The following AGBL4 variants were observed in gnomAD, a reference collection of about 807,000 sequenced individuals.
AGBL4 encodes cytosolic carboxypeptidase 6.
In AGBL4, 58 loss-of-function variants were observed where a neutral mutation model predicts 66.4. The observed-to-expected ratio is 0.87, with a 90% CI of 0.71 to 1.09. The LOEUF (loss-of-function observed/expected upper bound fraction) is 1.09. Ranked by LOEUF, AGBL4 falls within the 50% of genes least tolerant of loss-of-function variation. The pLI, the probability that AGBL4 is intolerant of heterozygous loss-of-function variation, is 0.00. For missense variants in AGBL4, 579 were observed against 631.0 expected (o/e 0.92, Z 0.88); for synonymous variants, 234 against 222.9 (o/e 1.05, Z -0.44).
chr1:49,011,442 A>T (rs1311601068), intron 5 of AGBL4, among the ~76,000 whole-genome samples: 2 of 152,186 alleles, frequency 1.3e-5, no homozygotes, highest in Non-Finnish European at 2.9e-5. Flanking sequence ...GGGACTGTAA[A>T]CTAGTTCAAC....
Position 49,483,430 on chromosome 1 carries a change from C to T in AGBL4, c.282+213883G>A, listed in dbSNP as rs187088157. The stretch of plus-strand genomic sequence containing the variant: ...AAGCAATCTACAAATTGAATGCAAT[C>T]CCTCTCAAAATACCAATGAAATTAT... On this transcript the variant is annotated intron_variant, in intron 3 of 13. Coordinates refer to ENST00000371839, the MANE Select transcript of AGBL4 (RefSeq NM_032785.4). Among the ~76,000 whole-genome samples the T allele has an allele frequency of 8.4e-4, 128 of 151,928 alleles. 1 individual carries two copies. Among genetic ancestry groups the T allele is most frequent in the Non-Finnish European group, 1.5e-3 (105 of 67,918 alleles).
intron 6 of AGBL4, among the ~76,000 whole-genome samples, chr1:48,737,139 C>T (rs1212695158): frequency 2.6e-5 from 4 of 152,004 alleles, no homozygotes; most frequent in African/African-American, 9.7e-5. Flanking sequence ...AAAAAATTAG[C>T]CAGGTGTGGT....
intron 4 of AGBL4, among the ~76,000 whole-genome samples, chr1:49,075,088 C>A (rs1644684580): frequency 1.3e-5 from 2 of 152,048 alleles, no homozygotes; most frequent in Admixed American, 6.6e-5. Context: ...CTCATGATGG[C>A]CAAAAATGAC....
At chr1:49,453,083 A>G (rs1156915752) in intron 3 of AGBL4, among the ~76,000 whole-genome samples, 7 of 151,930 alleles carry the variant, frequency 4.6e-5, no homozygotes, top group Non-Finnish European at 1.0e-4. Context: ...TGCTTAATAA[A>G]TGTTTATGAA....
intron 2 of AGBL4, among the ~76,000 whole-genome samples, chr1:49,822,448 C>A (rs1043018563): frequency 6.6e-6 from 1 of 152,000 alleles, no homozygotes; most frequent in Non-Finnish European, 1.5e-5. Context: ...CCTGCCTTAG[C>A]CTCCTGAGTA....
chr1:49,085,406 G>A (rs957265984), intron 4 of AGBL4, among the ~76,000 whole-genome samples: 1 of 151,752 alleles, frequency 6.6e-6, no homozygotes, highest in Non-Finnish European at 1.5e-5. Flanking sequence ...GAATTACATC[G>A]CCAACTTTCT....
At chr1:49,736,570 T>C (rs1649908456) in intron 2 of AGBL4, among the ~76,000 whole-genome samples, 1 of 152,072 alleles carries the variant, frequency 6.6e-6, no homozygotes, top group Non-Finnish European at 1.5e-5. Context: ...TACTAAACCT[T>C]TGGGATGCAG....
At chr1:48,526,017 C>A in the AGBL4 span, among the ~76,000 whole-genome samples, 9 of 152,106 alleles carry the variant, frequency 5.9e-5, no homozygotes, top group African/African-American at 1.7e-4. Flanking sequence ...ACCAATCCTG[C>A]CTGTTAAGAC....
chr1:49,498,750 C>A (rs1647847097), intron 3 of AGBL4, among the ~76,000 whole-genome samples: 1 of 151,966 alleles, frequency 6.6e-6, no homozygotes, highest in East Asian at 2.0e-4. Context: ...TCCTCTTATA[C>A]CTAACTTGTT....
At chr1:48,681,868 T>C (rs1037794993) in intron 6 of AGBL4, among the ~76,000 whole-genome samples, 1 of 152,086 alleles carries the variant, frequency 6.6e-6, no homozygotes, top group African/African-American at 2.4e-5. Context: ...CCAGAGACAG[T>C]GTGTGATAGG....
At chr1:49,920,769 C>G (rs1277954200) in intron 1 of AGBL4, among the ~76,000 whole-genome samples, 3 of 152,166 alleles carry the variant, frequency 2.0e-5, no homozygotes, top group Non-Finnish European at 4.4e-5. Flanking sequence ...ACAAATCATG[C>G]TGCTATAAAG....
In AGBL4 at chr1:49,441,901, G is replaced by A. The variant is rs147247472; in HGVS notation, c.283-196037C>T. On this transcript the variant is annotated intron_variant, in intron 3 of 13. Transcript: ENST00000371839. ...ACAAAATGGCCACGGTGGCAGGGAT[G>A]GAGGTTACGCATGGGCTCAGCAACA... Among the ~76,000 whole-genome samples, 161 of 152,284 alleles carry A rather than the reference G, an allele frequency of 1.1e-3. 6 individuals are homozygous for A. The East Asian group carries it at 0.026, about 25-fold the overall frequency.
At chr1:49,991,779 C>T (rs943758471) in intron 1 of AGBL4, among the ~76,000 whole-genome samples, 1 of 152,024 alleles carries the variant, frequency 6.6e-6, no homozygotes, top group Non-Finnish European at 1.5e-5. Flanking sequence ...TAATTCCTTT[C>T]GCTCTCCTCT....
At chr1:48,918,384 C>A (rs1232595509) in intron 5 of AGBL4, among the ~76,000 whole-genome samples, 4 of 152,150 alleles carry the variant, frequency 2.6e-5, no homozygotes, top group African/African-American at 7.2e-5. Context: ...CTTTGTGGAC[C>A]AAGTGTCACA....
chr1:48,838,610 T>G (rs1196990293), intron 6 of AGBL4, among the ~76,000 whole-genome samples: 1 of 152,088 alleles, frequency 6.6e-6, no homozygotes, highest in Non-Finnish European at 1.5e-5. Context: ...GGAAAATGCT[T>G]TAGGACATTG....
At chr1:49,894,532 A>C (rs1458077116) in intron 1 of AGBL4, among the ~76,000 whole-genome samples, 1 of 152,178 alleles carries the variant, frequency 6.6e-6, no homozygotes, top group African/African-American at 2.4e-5. Context: ...GAAGGAATTC[A>C]GAATTCTATC....
intron 5 of AGBL4, among the ~76,000 whole-genome samples, chr1:48,886,283 T>C (rs2148849514): frequency 6.6e-6 from 1 of 152,172 alleles, no homozygotes. Flanking sequence ...AGAAAGCTGG[T>C]CCTGCCTAGC....
chr1:49,233,695 T>C (rs190869392), intron 4 of AGBL4, among the ~76,000 whole-genome samples: 337 of 152,320 alleles, frequency 2.2e-3, no homozygotes, highest in African/African-American at 7.5e-3. Context: ...TGGGTAGAAT[T>C]AGGAAATTCT....
At chr1:48,615,636 A>G (rs1407656742) in intron 9 of AGBL4, among the ~76,000 whole-genome samples, 1 of 152,200 alleles carries the variant, frequency 6.6e-6, no homozygotes. Context: ...AGATCTGAGT[A>G]AGATTGCTTT....
Sources: gnomAD v4.1 joint callset for allele counts (sites outside exome capture counted in the v4.1 genomes callset) on GRCh38, gnomAD v4.1.1 for gene constraint, MANE v1.5 for transcripts, NCBI Gene and HGNC (gene_info 2026-07-23, HGNC 2026-07-21) for gene names.